Variants in RNF138 observed in about 807,000 individuals in gnomAD.
RNF138 encodes E3 ubiquitin-protein ligase RNF138.
In RNF138, 12 loss-of-function variants were observed where a neutral mutation model predicts 31.0. That is an observed-to-expected ratio of 0.39 (90% CI 0.25 to 0.63). RNF138 has a LOEUF of 0.63. RNF138 is among the 20% of genes least tolerant of loss of function. The probability of loss-of-function intolerance (pLI) is 0.52; values close to 1 mark genes in which losing one functional copy is unlikely to be tolerated. For synonymous variants in RNF138, 105 were observed against 99.5 expected (o/e 1.06, Z -0.33); for missense variants, 192 against 300.1 (o/e 0.64, Z 2.66).
chr18:32,104,574 G>A (rs2039998168), intron 2 of RNF138, among the ~76,000 whole-genome samples: 2 of 152,098 alleles, frequency 1.3e-5, no homozygotes, highest in African/African-American at 4.8e-5. Context: ...AAGAGTACAG[G>A]GAGGTTTGAT....
At chr18:32,108,584 G>A (rs2040074755) in intron 2 of RNF138, among the ~76,000 whole-genome samples, 1 of 152,100 alleles carries the variant, frequency 6.6e-6, no homozygotes, top group Admixed American at 6.6e-5. Flanking sequence ...GCGGACCTAT[G>A]TATAGTTTTC....
rs752580212 is a variant in RNF138, at chr18:32,124,805, A to C, written c.521A>C (p.Asp174Ala). 1 of 1,599,074 alleles carries C rather than the reference A, an allele frequency of 6.3e-7. No homozygotes were observed. The highest frequency in any genetic ancestry group is 1.7e-5 in the Admixed American group (1 of 59,988). The stretch of plus-strand genomic sequence containing the variant: ...AATTTTACCAGACAGCGTTTACTGG[A>C]TCACTGTAACAGTAATCACCTATTT... ...ESNFTRQRLL[D>A]HCNSNHLFQI... Residue 174 changes from aspartate (D) to alanine (A), a missense_variant, in exon 6 of 8, where the codon GAT (aspartate) becomes GCT (alanine). Asp to Ala is a moderately radical substitution (Grantham distance 126). Around this residue, in one of 2 missense-constraint regions of RNF138, gnomAD observed 140 missense variants for 251.7 expected, o/e 0.56. Coordinates refer to ENST00000261593, the MANE Select transcript of RNF138 (RefSeq NM_016271.5).
At chr18:32,096,259 T>G (rs1245640864) in intron 2 of RNF138, among the ~76,000 whole-genome samples, 1 of 152,016 alleles carries the variant, frequency 6.6e-6, no homozygotes, top group Non-Finnish European at 1.5e-5. Flanking sequence ...CATAGCAGGG[T>G]TTTCAGCTTG....
In RNF138 at chr18:32,131,108, TGGGATTTGGGAAC is replaced by T; in HGVS notation, c.*1922_*1934del. On this transcript the variant is annotated 3_prime_UTR_variant, in exon 8 of 8. Coordinates refer to ENST00000261593, the MANE Select transcript of RNF138 (RefSeq NM_016271.5). ...TCCAATATGTCAAGTTAAACCATTCTGGGATTTGGGAACTTCTTTAAAGGAAAATTGTAGTAGA... is the reference window on the plus strand; with the variant it reads ...TCCAATATGTCAAGTTAAACCATTCTTTCTTTAAAGGAAAATTGTAGTAGA... 2 of 152,270 alleles carry T rather than the reference TGGGATTTGGGAAC, an allele frequency of 1.3e-5. No individual in the cohort carries two copies. The highest frequency in any genetic ancestry group is 6.6e-5 in the Admixed American group (1 of 15,226). The allele number at this position is 152,270 out of a possible 1,614,324, so 9.4% of individuals were successfully genotyped here.
intron 2 of RNF138, among the ~76,000 whole-genome samples, chr18:32,097,960 GTGTGTGTGTGTGTGTGT>G (rs1157561182): frequency 1.2e-3 from 102 of 82,782 alleles, no homozygotes; most frequent in African/African-American, 4.3e-3. Context: ...GTGTGTGTGT[GTGTGTGTGTGTGTGTGT>G]TATTTTTGTT....
intron 2 of RNF138, among the ~76,000 whole-genome samples, chr18:32,095,767 A>AT (rs1447445260): frequency 6.6e-6 from 1 of 152,214 alleles, no homozygotes; most frequent in Admixed American, 6.5e-5. Context: ...ATCCCCATTC[A>AT]TTCCCTGAAA....
intron 2 of RNF138, among the ~76,000 whole-genome samples, chr18:32,109,937 C>T (rs2040099754): frequency 6.6e-6 from 1 of 152,064 alleles, no homozygotes; most frequent in African/African-American, 2.4e-5. Context: ...TGAAAACTGG[C>T]ATCTTGTTTA....
intron 2 of RNF138, among the ~76,000 whole-genome samples, chr18:32,105,130 C>A (rs1468631562): frequency 4.6e-5 from 7 of 152,114 alleles, no homozygotes; most frequent in African/African-American, 1.7e-4. Flanking sequence ...CTCCCTCTGT[C>A]CCCCAGGCTG....
Position 32,097,912 on chromosome 18 carries a change from TTGTG to T in RNF138, c.110+5038_110+5041del, listed in dbSNP as rs1004366381. ...TATGTATATGTGTATGTATGTGTAT[TTGTG>T]TGTGTGTGTGTATATGTGTATGTAT... On this transcript the variant is annotated intron_variant, in intron 2 of 7. Coordinates refer to ENST00000261593, the MANE Select transcript of RNF138 (RefSeq NM_016271.5). Among the ~76,000 whole-genome samples the T allele has an allele frequency of 4.4e-4, 66 of 150,428 alleles. 1 individual carries two copies. In the East Asian group the frequency reaches 8.6e-3, roughly 20 times the overall value.
At chr18:32,114,291 T>C (rs1740764695) in intron 4 of RNF138, among the ~76,000 whole-genome samples, 2 of 152,184 alleles carry the variant, frequency 1.3e-5, no homozygotes, top group Admixed American at 1.3e-4. Context: ...CATGTAAAAA[T>C]GAAACCAGGT....
chr18:32,096,113 C>G (rs1255093612), intron 2 of RNF138, among the ~76,000 whole-genome samples: 4 of 152,196 alleles, frequency 2.6e-5, no homozygotes, highest in African/African-American at 9.6e-5. Context: ...CAGGAACTTA[C>G]TGTGTAAGCT....
chr18:32,116,982 A>G (rs187746740), intron 4 of RNF138, among the ~76,000 whole-genome samples: 1 of 152,248 alleles, frequency 6.6e-6, no homozygotes, highest in Non-Finnish European at 1.5e-5. Flanking sequence ...GCTCACTACA[A>G]CATCGACCTC....
chr18:32,110,963 G>A (rs1196032231), intron 2 of RNF138, among the ~76,000 whole-genome samples: 3 of 152,080 alleles, frequency 2.0e-5, no homozygotes, highest in Non-Finnish European at 4.4e-5. Context: ...TATATTTTTA[G>A]TAGAGACGAG....
At chr18:32,115,467 G>GGGC (rs1280338998) in intron 4 of RNF138, among the ~76,000 whole-genome samples, 1 of 152,146 alleles carries the variant, frequency 6.6e-6, no homozygotes, top group African/African-American at 2.4e-5. Context: ...AATTCTGGCT[G>GGGC]GGCGCGGTGG....
intron 4 of RNF138, among the ~76,000 whole-genome samples, chr18:32,121,600 G>A (rs1276592298): frequency 6.6e-6 from 1 of 152,146 alleles, no homozygotes; most frequent in East Asian, 1.9e-4. Flanking sequence ...CCTATTAGAA[G>A]TTGTTAACAG....
chr18:32,106,862 G>A (rs951849693), intron 2 of RNF138, among the ~76,000 whole-genome samples: 6 of 152,094 alleles, frequency 3.9e-5, no homozygotes, highest in South Asian at 4.1e-4. Flanking sequence ...CACCGCGCCC[G>A]GCTGAAAAAT....
chr18:32,113,221 C>G (rs2040162454), intron 3 of RNF138, among the ~76,000 whole-genome samples: 1 of 152,042 alleles, frequency 6.6e-6, no homozygotes, highest in African/African-American at 2.4e-5. Flanking sequence ...TTACACCTGG[C>G]TAATTTTTGT....
chr18:32,112,411 A>T (rs2040146869), intron 3 of RNF138, among the ~76,000 whole-genome samples: 1 of 152,186 alleles, frequency 6.6e-6, no homozygotes, highest in Admixed American at 6.5e-5. Context: ...AGGGCCGGGC[A>T]TGGTGGCTCA....
chr18:32,117,024 C>T (rs957638584), intron 4 of RNF138, among the ~76,000 whole-genome samples: 12 of 152,138 alleles, frequency 7.9e-5, no homozygotes, highest in African/African-American at 2.9e-4. Context: ...GCCTAAGCCT[C>T]CTGAGTAGCT....
Sources: allele counts gnomAD v4.1 joint callset (sites outside exome capture counted in the v4.1 genomes callset), GRCh38; gene constraint gnomAD v4.1.1; regional missense constraint gnomAD v4.1.1; transcripts MANE v1.5; gene names NCBI Gene and HGNC (gene_info 2026-07-23, HGNC 2026-07-21).